SUPT3H: variants seen among roughly 807,000 people sequenced by gnomAD.
SUPT3H encodes the protein SPT3 homolog, SAGA and STAGA complex component.
SUPT3H carries 44 observed loss-of-function variants against 44.3 expected under a neutral mutation model. The ratio of observed to expected loss-of-function variants is 0.99; its 90% CI spans 0.78 to 1.28. The LOEUF is 1.28. Ranked by LOEUF, SUPT3H falls within the 50% of genes most tolerant of loss-of-function variation. The pLI is 0.00. For synonymous variants in SUPT3H, 124 were observed against 125.6 expected, an observed-to-expected ratio of 0.99 and a Z score of 0.09; for missense variants, 380 against 387.1, an observed-to-expected ratio of 0.98 and a Z score of 0.15.
chr6:45,246,917 G>A (rs1366921425), intron 2 of SUPT3H, among the ~76,000 whole-genome samples: 1 of 152,068 alleles, frequency 6.6e-6, no homozygotes, highest in Non-Finnish European at 1.5e-5. Flanking sequence ...TCCCTCTTAA[G>A]AAACTAAAAA....
chr6:45,072,926 A>G (rs1260007640), intron 3 of SUPT3H, among the ~76,000 whole-genome samples: 1 of 152,104 alleles, frequency 6.6e-6, no homozygotes, highest in Non-Finnish European at 1.5e-5. Flanking sequence ...AGAAAGTTAA[A>G]AAGTTTAAAA....
At chr6:45,327,168 T>C in intron 2 of SUPT3H, among the ~76,000 whole-genome samples, 1 of 151,978 alleles carries the variant, frequency 6.6e-6, no homozygotes, top group Non-Finnish European at 1.5e-5. Context: ...CCAATTTTCT[T>C]CTGAATCAGA....
intron 2 of SUPT3H, among the ~76,000 whole-genome samples, chr6:45,243,097 G>A (rs769708222): frequency 5.3e-5 from 8 of 151,444 alleles, no homozygotes; most frequent in African/African-American, 1.5e-4. Context: ...GGGAGGCTGC[G>A]GTGGGAGGAT....
intron 3 of SUPT3H, among the ~76,000 whole-genome samples, chr6:45,042,463 T>G (rs1437075175): frequency 1.3e-5 from 2 of 152,142 alleles, no homozygotes; most frequent in African/African-American, 4.8e-5. Context: ...CTTATAGTGG[T>G]AAATGCATAC....
At chr6:45,070,408 T>C (rs1488662260) in intron 3 of SUPT3H, among the ~76,000 whole-genome samples, 1 of 152,106 alleles carries the variant, frequency 6.6e-6, no homozygotes, top group Non-Finnish European at 1.5e-5. Flanking sequence ...GTATATACTT[T>C]TGTTGTTGAT....
intron 2 of SUPT3H, among the ~76,000 whole-genome samples, chr6:45,210,976 T>C (rs898628739): frequency 6.6e-6 from 1 of 152,178 alleles, no homozygotes; most frequent in African/African-American, 2.4e-5. Flanking sequence ...TGAACAAGCC[T>C]CTTTCAAGCA....
intron 3 of SUPT3H, among the ~76,000 whole-genome samples, chr6:45,083,707 A>G (rs1377559426): frequency 3.3e-5 from 5 of 152,114 alleles, no homozygotes; most frequent in Non-Finnish European, 7.4e-5. Flanking sequence ...ACAGTAAAAA[A>G]AAAAAAACCA....
intron 3 of SUPT3H, among the ~76,000 whole-genome samples, chr6:45,027,658 T>C (rs1480369307): frequency 2.0e-5 from 3 of 152,216 alleles, no homozygotes; most frequent in Non-Finnish European, 4.4e-5. Flanking sequence ...CAACATCTTT[T>C]TCTCCCCTGT....
chr6:45,328,982 T>C (rs1293893385), intron 2 of SUPT3H, among the ~76,000 whole-genome samples: 1 of 152,018 alleles, frequency 6.6e-6, no homozygotes, highest in East Asian at 1.9e-4. Context: ...ATTTTCAAAG[T>C]AATGACTTGA....
intron 2 of SUPT3H, among the ~76,000 whole-genome samples, chr6:45,216,787 C>T (rs557048304): frequency 2.6e-5 from 4 of 152,190 alleles, no homozygotes; most frequent in African/African-American, 7.2e-5. Context: ...AACACAGGAA[C>T]ACCTGATATA....
In SUPT3H at chr6:44,943,332, C is replaced by T. The variant is rs542798568; in HGVS notation, c.801+9978G>A. Among the ~76,000 whole-genome samples the T allele has an allele frequency of 1.8e-3, 278 of 151,682 alleles. 1 individual carries two copies. Among genetic ancestry groups the T allele is most frequent in the African/African-American group, 6.2e-3 (258 of 41,382 alleles). On this transcript the variant is annotated intron_variant, in intron 9 of 10. Coordinates refer to ENST00000371459, the MANE Select transcript of SUPT3H (RefSeq NM_003599.4). ...AATAGAATTGCTCCAATCTGAAGAA[C>T]AGAGAGAAAATATTAAAAGAGGAAT...
chr6:45,032,572 A>G (rs530322233), intron 3 of SUPT3H, among the ~76,000 whole-genome samples: 1 of 152,300 alleles, frequency 6.6e-6, no homozygotes, highest in African/African-American at 2.4e-5. Context: ...CAAAATCAGG[A>G]TATTCCTGGG....
intron 10 of SUPT3H, among the ~76,000 whole-genome samples, chr6:44,874,767 A>C (rs1314883280): frequency 9.2e-6 from 1 of 109,042 alleles, no homozygotes; most frequent in Non-Finnish European, 1.8e-5. Flanking sequence ...GTCTCAGCCC[A>C]AAATCTCCTT....
chr6:45,141,871 T>A (rs1805272185), intron 2 of SUPT3H, among the ~76,000 whole-genome samples: 1 of 152,138 alleles, frequency 6.6e-6, no homozygotes, highest in Admixed American at 6.5e-5. Flanking sequence ...ATCTAGACAT[T>A]CAAATACAAT....
intron 10 of SUPT3H, among the ~76,000 whole-genome samples, chr6:44,903,009 T>C (rs1165617001): frequency 1.3e-5 from 2 of 151,844 alleles, no homozygotes; most frequent in Non-Finnish European, 2.9e-5. Flanking sequence ...CATACCAGAA[T>C]CTCTGGGACA....
intron 2 of SUPT3H, among the ~76,000 whole-genome samples, chr6:45,108,401 T>C (rs929973975): frequency 1.3e-5 from 2 of 152,202 alleles, no homozygotes; most frequent in Non-Finnish European, 2.9e-5. Flanking sequence ...CTTGTTTTGA[T>C]ATGTGTGTGT....
intron 10 of SUPT3H, among the ~76,000 whole-genome samples, chr6:44,928,288 CTAGAATACTGCAGATCA>C (rs1769856536): frequency 6.6e-6 from 1 of 152,104 alleles, no homozygotes; most frequent in Non-Finnish European, 1.5e-5. Context: ...CAAAAGCACT[CTAGAATACTGCAGATCA>C]TAGAATCTGA....
chr6:45,188,307 C>T (rs188409152), intron 2 of SUPT3H, among the ~76,000 whole-genome samples: 10 of 152,250 alleles, frequency 6.6e-5, no homozygotes, highest in Admixed American at 2.0e-4. Context: ...ATTGCTAAGA[C>T]GTATAGTAAG....
chr6:45,364,310 C>T (rs537193295), intron 2 of SUPT3H, among the ~76,000 whole-genome samples: 46 of 152,204 alleles, frequency 3.0e-4, no homozygotes, highest in Non-Finnish European at 5.4e-4. Flanking sequence ...AAGACATCTG[C>T]TCAAACTCAT....
Sources: allele counts gnomAD v4.1 joint callset (sites outside exome capture counted in the v4.1 genomes callset), GRCh38; gene constraint gnomAD v4.1.1; transcripts MANE v1.5; gene names NCBI Gene and HGNC (gene_info 2026-07-23, HGNC 2026-07-21).